Variants in CDH4 observed in about 807,000 individuals in gnomAD.
The protein encoded by CDH4 is cadherin 4.
A neutral mutation model predicts 86.0 loss-of-function variants in CDH4; 33 were observed. The ratio of observed to expected loss-of-function variants is 0.38; its 90% CI spans 0.29 to 0.51. CDH4 has a LOEUF of 0.51. CDH4 is among the 20% of genes least tolerant of loss of function. The pLI, the probability that CDH4 is intolerant of heterozygous loss-of-function variation, is 0.86. For missense variants in CDH4, 1,114 were observed against 1,307.4 expected (o/e 0.85, Z 2.28); for synonymous variants, 555 against 549.4 (o/e 1.01, Z -0.14).
At chr20:61,749,590 C>G (rs901758936) in intron 3 of CDH4, among the ~76,000 whole-genome samples, 2 of 151,988 alleles carry the variant, frequency 1.3e-5, no homozygotes, top group Non-Finnish European at 2.9e-5. Context: ...ACTGGAAAAT[C>G]CCCATAGATT....
chr20:61,378,944 A>AT (rs1182793300), intron 2 of CDH4, among the ~76,000 whole-genome samples: 1 of 152,152 alleles, frequency 6.6e-6, no homozygotes, highest in Non-Finnish European at 1.5e-5. Context: ...TTAAGCATCC[A>AT]TTTTTTACTG....
intron 2 of CDH4, among the ~76,000 whole-genome samples, chr20:61,682,020 A>C (rs1424893648): frequency 6.6e-6 from 1 of 152,216 alleles, no homozygotes; most frequent in African/African-American, 2.4e-5. Flanking sequence ...CTTCAGTGCT[A>C]GCAGTTGCTG....
intron 2 of CDH4, among the ~76,000 whole-genome samples, chr20:61,591,056 AG>A (rs2086516038): frequency 6.6e-6 from 1 of 152,188 alleles, no homozygotes; most frequent in Non-Finnish European, 1.5e-5. Flanking sequence ...GATAAGTACC[AG>A]GGCTAGATCC....
chr20:61,473,260 T>C (rs1047577202), intron 2 of CDH4, among the ~76,000 whole-genome samples: 6 of 152,242 alleles, frequency 3.9e-5, no homozygotes, highest in African/African-American at 1.4e-4. Context: ...TCCTCACTTT[T>C]ATCTTAATAT....
intron 2 of CDH4, among the ~76,000 whole-genome samples, chr20:61,612,086 T>A (rs1003737576): frequency 6.6e-6 from 1 of 152,118 alleles, no homozygotes; most frequent in East Asian, 1.9e-4. Flanking sequence ...TTATGGAATT[T>A]AAAAATTTTT....
chr20:61,870,236 G>A (rs985780208), intron 6 of CDH4, among the ~76,000 whole-genome samples: 7 of 152,152 alleles, frequency 4.6e-5, no homozygotes, highest in South Asian at 2.1e-4. Context: ...GTTCCTGCAC[G>A]TGGGCAGCAG....
intron 4 of CDH4, among the ~76,000 whole-genome samples, chr20:61,813,661 G>C (rs1438167533): frequency 6.6e-6 from 1 of 152,196 alleles, no homozygotes; most frequent in Non-Finnish European, 1.5e-5. Flanking sequence ...CTGGCTGTCG[G>C]AAGGGCAAGA....
chr20:61,512,350 T>A (rs189355301), intron 2 of CDH4, among the ~76,000 whole-genome samples: 78 of 152,300 alleles, frequency 5.1e-4, no homozygotes, highest in African/African-American at 1.7e-3. Flanking sequence ...GGGAAGGGGA[T>A]TGTCCCGCAT....
At chr20:61,861,121 A>C (rs1312721936) in intron 6 of CDH4, among the ~76,000 whole-genome samples, 2 of 152,122 alleles carry the variant, frequency 1.3e-5, no homozygotes, top group African/African-American at 4.8e-5. Context: ...GCCTAGTCCC[A>C]AGAACCGCAC....
rs966666354 is a variant in CDH4, at chr20:61,807,131, G to T, written c.576+33949G>T. ...GGCCCCGCAGCCCCGCCAGCCCCCA[G>T]CTGCAAGGCCAGTGGGGCAGGTGCC... On this transcript the variant is annotated intron_variant, in intron 4 of 15. Transcript: ENST00000614565. This position sits in a 1 kb window ranked among gnomAD's most constrained non-coding sequence, Gnocchi z 4.5. Among the ~76,000 whole-genome samples, 2 of 152,242 alleles carry T rather than the reference G, an allele frequency of 1.3e-5. No individual in the cohort carries two copies. Among genetic ancestry groups the T allele is most frequent in the Non-Finnish European group, 2.9e-5 (2 of 68,040 alleles).
At chr20:61,690,321 CG>C (rs2087639655) in intron 2 of CDH4, among the ~76,000 whole-genome samples, 1 of 152,110 alleles carries the variant, frequency 6.6e-6, no homozygotes, top group African/African-American at 2.4e-5. Flanking sequence ...TTGTCACTCC[CG>C]GGAGGCTTCC....
intron 2 of CDH4, among the ~76,000 whole-genome samples, chr20:61,388,391 C>T (rs1297816047): frequency 6.6e-6 from 1 of 152,022 alleles, no homozygotes; most frequent in African/African-American, 2.4e-5. Context: ...TCTGCCCCTA[C>T]AGCCCCTACA....
chr20:61,792,434 C>T (rs1979252268), intron 4 of CDH4, among the ~76,000 whole-genome samples: 1 of 152,172 alleles, frequency 6.6e-6, no homozygotes, highest in African/African-American at 2.4e-5. Flanking sequence ...CCAAGGGCCT[C>T]TTCCAAGATG....
rs1242143579 is a variant in CDH4, at chr20:61,684,842, AAC to A, written c.170-58715_170-58714del. Among the ~76,000 whole-genome samples, 5 of 152,126 alleles carry A rather than the reference AAC, an allele frequency of 3.3e-5. No individual in the cohort carries two copies. Among genetic ancestry groups the A allele is most frequent in the African/African-American group, 1.2e-4 (5 of 41,408 alleles). ...TTTCTAAACTGCTCCTGAAGCTTCAAACACACAATTCATCTGTAAATATTTGC... is the reference window on the plus strand; with the variant it reads ...TTTCTAAACTGCTCCTGAAGCTTCAAACACAATTCATCTGTAAATATTTGC... On this transcript the variant is annotated intron_variant, in intron 2 of 15. Transcript: ENST00000614565. The surrounding 1 kb of genome is among the most constrained non-coding windows in gnomAD (Gnocchi z 4.5).
intron 2 of CDH4, among the ~76,000 whole-genome samples, chr20:61,609,928 G>T (rs1483149858): frequency 6.6e-6 from 1 of 152,156 alleles, no homozygotes; most frequent in Non-Finnish European, 1.5e-5. Flanking sequence ...TATACAGTGT[G>T]CTGTGATCAA....
At chr20:61,912,784 T>A (rs1312419320) in intron 9 of CDH4, among the ~76,000 whole-genome samples, 1 of 152,158 alleles carries the variant, frequency 6.6e-6, no homozygotes, top group African/African-American at 2.4e-5. Context: ...AGTGGCAAAG[T>A]CAGATCTGTG....
chr20:61,687,320 G>A (rs1429299198), intron 2 of CDH4, among the ~76,000 whole-genome samples: 1 of 152,166 alleles, frequency 6.6e-6, no homozygotes. Context: ...TTGTTCAGGG[G>A]AGTTTCTTAC....
At chr20:61,898,550 C>G (rs1322404989) in intron 8 of CDH4, among the ~76,000 whole-genome samples, 1 of 152,178 alleles carries the variant, frequency 6.6e-6, no homozygotes, top group Non-Finnish European at 1.5e-5. Flanking sequence ...CACAGAGTGA[C>G]CCTGGAGATC....
intron 2 of CDH4, among the ~76,000 whole-genome samples, chr20:61,344,785 G>A (rs1199979578): frequency 6.6e-6 from 1 of 152,170 alleles, no homozygotes; most frequent in African/African-American, 2.4e-5. Flanking sequence ...ACTAACACAA[G>A]CTCATAGACA....
Sources: gnomAD v4.1 joint callset for allele counts (sites outside exome capture counted in the v4.1 genomes callset) on GRCh38, gnomAD v4.1.1 for gene constraint, Gnocchi (gnomAD v3.1) non-coding constraint, MANE v1.5 for transcripts, NCBI Gene and HGNC (gene_info 2026-07-23, HGNC 2026-07-21) for gene names.